The following MYO1D variants were observed in gnomAD, a reference collection of about 807,000 sequenced individuals.
The protein encoded by MYO1D is unconventional myosin-Id.
Under a neutral mutation model 122.0 loss-of-function variants are expected in MYO1D, and 83 were observed. The observed-to-expected ratio is 0.68, with a 90% CI of 0.57 to 0.82. The LOEUF (loss-of-function observed/expected upper bound fraction) is 0.82, where lower values mean the gene tolerates loss of function less well. MYO1D is among the 40% of genes least tolerant of loss of function. The probability of loss-of-function intolerance (pLI) is 0.00; values close to 1 mark genes in which losing one functional copy is unlikely to be tolerated. For synonymous variants in MYO1D, 464 were observed against 446.9 expected, an observed-to-expected ratio of 1.04 and a Z score of -0.48; for missense variants, 1,157 against 1,269.5, an observed-to-expected ratio of 0.91 and a Z score of 1.35.
In MYO1D at chr17:32,760,591, G is replaced by A. The variant is rs368631580; in HGVS notation, c.1072C>T (p.Arg358Cys). Residue 358 changes from arginine (R) to cysteine (C), a missense_variant, in exon 9 of 22, where the codon CGC (arginine) becomes TGC (cysteine). Arg to Cys is a radical substitution (Grantham distance 180). Coordinates refer to ENST00000318217, the MANE Select transcript of MYO1D (RefSeq NM_015194.3). ...TTGACCTCAATAATATCATTGATGC[G>A]AGTAACGATCCAACAAAAAAGGCGC... ...YERLFCWIVT[R>C]INDIIEVKNY... is the part of the protein sequence containing the mutation. The A allele has an allele frequency of 9.9e-6, 16 of 1,611,588 alleles. No homozygotes were observed. Among genetic ancestry groups the A allele is most frequent in the Admixed American group, 6.7e-5 (4 of 59,512 alleles).
At chr17:32,567,669 C>A (rs1347590123) in intron 21 of MYO1D, among the ~76,000 whole-genome samples, 1 of 152,202 alleles carries the variant, frequency 6.6e-6, no homozygotes, top group Non-Finnish European at 1.5e-5. Context: ...CCAGTCCCTT[C>A]AGGATGACTT....
intron 15 of MYO1D, among the ~76,000 whole-genome samples, chr17:32,720,155 A>C (rs921560872): frequency 6.6e-6 from 1 of 152,174 alleles, no homozygotes; most frequent in African/African-American, 2.4e-5. Flanking sequence ...AATGTTCAAT[A>C]AGTGTTTTAA....
At chr17:32,701,935 C>G (rs921876366) in intron 16 of MYO1D, among the ~76,000 whole-genome samples, 1 of 152,192 alleles carries the variant, frequency 6.6e-6, no homozygotes, top group African/African-American at 2.4e-5. Context: ...TCAAATGTAT[C>G]TATGTCAACC....
intron 1 of MYO1D, among the ~76,000 whole-genome samples, chr17:32,788,602 T>C (rs185697107): frequency 1.3e-5 from 2 of 152,326 alleles, no homozygotes; most frequent in South Asian, 2.1e-4. Flanking sequence ...TTCTGTTCCA[T>C]TGGTCTACAT....
chr17:32,609,653 T>C (rs953774358), intron 20 of MYO1D, among the ~76,000 whole-genome samples: 1 of 152,140 alleles, frequency 6.6e-6, no homozygotes, highest in Non-Finnish European at 1.5e-5. Flanking sequence ...TTTTCAAGTA[T>C]CATGTATAAA....
At chr17:32,771,334 T>G (rs1186203314) in intron 5 of MYO1D, 114 bp from the exon 6 acceptor site, 5 of 672,102 alleles carry the variant, frequency 7.4e-6, no homozygotes, top group Non-Finnish European at 1.2e-5. Flanking sequence ...TATGTCTTCC[T>G]GTTTCTAGCT....
chr17:32,677,533 G>A (rs1269744989), intron 16 of MYO1D, among the ~76,000 whole-genome samples: 1 of 149,322 alleles, frequency 6.7e-6, no homozygotes, highest in Non-Finnish European at 1.5e-5. Context: ...CTGAAACAGA[G>A]GTGTAAAAAG....
intron 16 of MYO1D, among the ~76,000 whole-genome samples, chr17:32,701,955 C>T (rs2089253617): frequency 1.3e-5 from 2 of 152,162 alleles, no homozygotes; most frequent in African/African-American, 4.8e-5. Context: ...CAGTATCAAT[C>T]AAAAGTAGAA....
At chr17:32,771,761 C>T (rs953701680) in intron 5 of MYO1D, among the ~76,000 whole-genome samples, 5 of 152,152 alleles carry the variant, frequency 3.3e-5, no homozygotes, top group Non-Finnish European at 7.3e-5. Flanking sequence ...AATACTTTCA[C>T]CCAAGTGGGA....
intron 1 of MYO1D, among the ~76,000 whole-genome samples, chr17:32,793,847 AG>A (rs1183283804): frequency 3.9e-5 from 6 of 152,236 alleles, no homozygotes; most frequent in Admixed American, 3.3e-4. Flanking sequence ...CAACTGATAT[AG>A]TACCTTTCCC....
At chr17:32,532,432 A>G (rs1326571380) in intron 21 of MYO1D, among the ~76,000 whole-genome samples, 2 of 152,228 alleles carry the variant, frequency 1.3e-5, no homozygotes, top group East Asian at 3.8e-4. Flanking sequence ...GCGAATATTA[A>G]AAGTAGAAGA....
chr17:32,590,399 G>C (rs2087429024), intron 21 of MYO1D, among the ~76,000 whole-genome samples: 1 of 152,174 alleles, frequency 6.6e-6, no homozygotes, highest in Non-Finnish European at 1.5e-5. Flanking sequence ...AAGAGGGCTG[G>C]TTTATCCCCT....
At chr17:32,690,753 A>G (rs1373694547) in intron 16 of MYO1D, among the ~76,000 whole-genome samples, 1 of 152,078 alleles carries the variant, frequency 6.6e-6, no homozygotes, top group Non-Finnish European at 1.5e-5. Context: ...AAGCTCTTTG[A>G]GGGCCTCACC....
rs531141354 is a variant in MYO1D, at chr17:32,523,105, A to G, written c.2865-28190T>C. ...GCTGGGATTACAGGCGTGAGCAACCACGCCTGGCCCCCCATGCCTCTTAGA... is the reference window on the plus strand; with the variant it reads ...GCTGGGATTACAGGCGTGAGCAACCGCGCCTGGCCCCCCATGCCTCTTAGA... On this transcript the variant is annotated intron_variant, in intron 21 of 21. Coordinates refer to ENST00000318217, the MANE Select transcript of MYO1D (RefSeq NM_015194.3). Among the ~76,000 whole-genome samples the G allele has an allele frequency of 2.0e-4, 30 of 152,218 alleles. 1 individual carries two copies. The South Asian group carries it at 3.1e-3, about 16-fold the overall frequency.
chr17:32,776,151 G>A (rs2090169865), intron 3 of MYO1D, 122 bp from the exon 4 acceptor site: 1 of 791,648 alleles, frequency 1.3e-6, no homozygotes, highest in Non-Finnish European at 1.9e-6. Context: ...AGCACTGTTT[G>A]CAATATCAAA....
intron 1 of MYO1D, chr17:32,792,624 G>A (rs1343678061): frequency 6.6e-6 from 1 of 152,200 alleles, no homozygotes; most frequent in Non-Finnish European, 1.5e-5. Flanking sequence ...GTTGGAAAGA[G>A]TAGGAGCTTT....
chr17:32,790,994 A>C (rs2090344791), intron 1 of MYO1D, among the ~76,000 whole-genome samples: 1 of 152,234 alleles, frequency 6.6e-6, no homozygotes, highest in Non-Finnish European at 1.5e-5. Context: ...TAGGAAACGC[A>C]CATGTCAAAA....
At chr17:32,611,988 A>G (rs538789482) in intron 20 of MYO1D, among the ~76,000 whole-genome samples, 7 of 152,374 alleles carry the variant, frequency 4.6e-5, no homozygotes, top group Admixed American at 4.6e-4. Context: ...GGTTCTAACC[A>G]GTAGTAAAAA....
intron 20 of MYO1D, among the ~76,000 whole-genome samples, chr17:32,620,965 T>G (rs897017839): frequency 6.6e-6 from 1 of 152,222 alleles, no homozygotes; most frequent in Non-Finnish European, 1.5e-5. Flanking sequence ...GAGTTTGCAT[T>G]TTATTCAGAT....
Sources: gnomAD v4.1 joint callset for allele counts (sites outside exome capture counted in the v4.1 genomes callset) on GRCh38, gnomAD v4.1.1 for gene constraint, MANE v1.5 for transcripts, NCBI Gene and HGNC (gene_info 2026-07-23, HGNC 2026-07-21) for gene names.